BCL3: variants seen among roughly 807,000 people sequenced by gnomAD.
BCL3 encodes BCL3 transcription coactivator.
Under a neutral mutation model 35.7 loss-of-function variants are expected in BCL3, and 15 were observed. That is an observed-to-expected ratio of 0.42 (90% confidence interval 0.28 to 0.65). The LOEUF (loss-of-function observed/expected upper bound fraction) is 0.65. Ranked by LOEUF, BCL3 falls within the 30% of genes least tolerant of loss-of-function variation. The pLI, the probability that BCL3 is intolerant of heterozygous loss-of-function variation, is 0.22. For missense variants in BCL3, 565 were observed against 641.7 expected (o/e 0.88, Z 1.29); for synonymous variants, 311 against 284.3 (o/e 1.09, Z -0.95).
chr19:44,748,989 C>T lies in BCL3; in HGVS notation c.199C>T (p.Pro67Ser), dbSNP rs1360246384. 7.2e-7 allele frequency: 1 copy of T among 1,383,838 alleles called. No individual in the cohort carries two copies. The highest frequency in any genetic ancestry group is 9.4e-7 in the Non-Finnish European group (1 of 1,066,954). 85.7% of individuals were successfully genotyped at this position (1,383,838 alleles called of 1,614,324 possible). ...LDPLRGGCDL[P>S]AVPGPPHGLA... The stretch of plus-strand genomic sequence containing the variant: ...CCCTCTGCGCGGCGGCTGCGACCTG[C>T]CGGCGGTCCCCGGGCCCCCCCACGG... The change falls in exon 1 of 9, where the codon CCG becomes TCG. Residue 67 changes from proline to serine, a missense_variant. By Grantham distance (74) the Pro-to-Ser change is moderately conservative. Transcript: ENST00000164227.
At position 44,757,362 on chromosome 19, in the gene BCL3, T is replaced by G; in HGVS notation, c.760T>G (p.Cys254Gly). Residue 254 changes from cysteine (C) to glycine (G), a missense_variant, in exon 5 of 9, where the codon TGC (cysteine) becomes GGC (glycine). Physicochemically the swap from Cys to Gly is radical, Grantham distance 159. This residue lies in a region of BCL3 where 103 missense variants were observed against 106.7 expected (regional missense o/e 0.97). Transcript: ENST00000164227. This position sits in a 1 kb window ranked among gnomAD's most constrained non-coding sequence, Gnocchi z 8.4. ...TALHVAVNTE[C>G]QETVQLLLER... ...CCTGCACGTGGCAGTGAACACCGAGTGCCAAGAAACCGTGCAGCTCTTGCT... is the reference window on the plus strand; with the variant it reads ...CCTGCACGTGGCAGTGAACACCGAGGGCCAAGAAACCGTGCAGCTCTTGCT... 6.2e-7 allele frequency: 1 copy of G among 1,606,472 alleles called. No homozygotes were observed. The highest frequency in any genetic ancestry group is 1.1e-5 in the South Asian group (1 of 89,682).
At chr19:44,753,833 G>A (rs955320129) in intron 2 of BCL3, among the ~76,000 whole-genome samples, 23 of 138,972 alleles carry the variant, frequency 1.7e-4, no homozygotes, top group Non-Finnish European at 2.7e-4. Flanking sequence ...GGGGGCGGGG[G>A]GGGGGGGTGA....
chr19:44,757,436 G>A lies in BCL3; in HGVS notation c.813+21G>A. On this transcript the variant is annotated intron_variant, in intron 5 of 8. Transcript: ENST00000164227. This position sits in a 1 kb window ranked among gnomAD's most constrained non-coding sequence, Gnocchi z 8.4. ...CAGTGGTGAGCGTGCACTAGGAGCT[G>A]GGAGGGAGCGGGGCCTTAGCAGGGG... The A allele has an allele frequency of 6.4e-7, 1 of 1,571,512 alleles. No individual in the cohort carries two copies. The highest frequency in any genetic ancestry group is 8.6e-7 in the Non-Finnish European group (1 of 1,158,742).
intron 6 of BCL3, among the ~76,000 whole-genome samples, chr19:44,758,025 C>T (rs549027094): frequency 3.3e-5 from 5 of 152,340 alleles, no homozygotes; most frequent in African/African-American, 9.6e-5. Context: ...CCAGCTCCCC[C>T]GACTCCTTGG....
At chr19:44,756,488 T>G in intron 3 of BCL3, 148 bp downstream of exon 3, 2 of 525,598 alleles carry the variant, frequency 3.8e-6, no homozygotes, top group South Asian at 4.1e-5. Context: ...GTGCCTGGAC[T>G]CCTGGGTCTG....
chr19:44,758,122 T>TC, intron 6 of BCL3, 124 bp from the exon 7 acceptor site: 1 of 1,047,398 alleles, frequency 9.5e-7, no homozygotes, highest in Non-Finnish European at 1.3e-6. Context: ...GCTCCTACCT[T>TC]CCTGTGACCC....
chr19:44,757,463 G>A lies in BCL3; in HGVS notation c.813+48G>A, dbSNP rs1458738676. ...GAGGGAGCGGGGCCTTAGCAGGGGC[G>A]GGGTCTTGGCGGGGGCGGGGCCAGT... On this transcript the variant is annotated intron_variant, in intron 5 of 8. Coordinates refer to ENST00000164227, the MANE Select transcript of BCL3 (RefSeq NM_005178.5). The surrounding 1 kb of genome is among the most constrained non-coding windows in gnomAD (Gnocchi z 8.4). The A allele has an allele frequency of 2.0e-6, 3 of 1,532,128 alleles. No individual in the cohort carries two copies. The highest frequency in any genetic ancestry group is 2.5e-5 in the East Asian group (1 of 40,754). The allele number at this position is 1,532,128 out of a possible 1,614,324, so 94.9% of individuals were successfully genotyped here. A position where few individuals can be genotyped will look rare whatever the true frequency, so the allele number is the denominator to read the frequency against.
At chr19:44,758,645 G>C (rs1168542305) in intron 7 of BCL3, 79 bp from the exon 8 acceptor site, 1 of 1,360,916 alleles carries the variant, frequency 7.3e-7, no homozygotes, top group Non-Finnish European at 1.0e-6. Context: ...GCCACCACCT[G>C]GATCCAGTGA....
Position 44,759,624 on chromosome 19 carries a change from G to T in BCL3, c.*9G>T. On this transcript the variant is annotated 3_prime_UTR_variant, in exon 9 of 9. Coordinates refer to ENST00000164227, the MANE Select transcript of BCL3 (RefSeq NM_005178.5). The stretch of plus-strand genomic sequence containing the variant: ...CTCCAGGAGGCAGCTGAGGGGGATG[G>T]GGGGGCAGATCTTGGACTCATGAGG... 6.3e-7 allele frequency: 1 copy of T among 1,598,942 alleles called. No individual in the cohort carries two copies. Among genetic ancestry groups the T allele is most frequent in the Non-Finnish European group, 8.5e-7 (1 of 1,176,512 alleles).
chr19:44,757,450 C>A lies in BCL3; in HGVS notation c.813+35C>A. The A allele has an allele frequency of 6.4e-7, 1 of 1,552,712 alleles. No individual in the cohort carries two copies. The highest frequency in any genetic ancestry group is 1.2e-5 in the South Asian group (1 of 85,092). ...CACTAGGAGCTGGGAGGGAGCGGGG[C>A]CTTAGCAGGGGCGGGGTCTTGGCGG... On this transcript the variant is annotated intron_variant, in intron 5 of 8. Transcript: ENST00000164227. This position sits in a 1 kb window ranked among gnomAD's most constrained non-coding sequence, Gnocchi z 8.4.
intron 3 of BCL3, 127 bp downstream of exon 3, chr19:44,756,467 A>T: frequency 1.6e-6 from 1 of 630,930 alleles, no homozygotes; most frequent in African/African-American, 2.2e-5. Context: ...GGTCTGAGGG[A>T]GGAGGGACTG....
rs1450365693 is a variant in BCL3 at position 44,758,765 on chromosome 19, C to T, written c.1101C>T (p.Ser367=). 3 of 1,607,608 alleles carry T rather than the reference C, an allele frequency of 1.9e-6. No homozygotes were observed. Among genetic ancestry groups the T allele is most frequent in the Non-Finnish European group, 2.5e-6 (3 of 1,177,888 alleles). ...GGGGGAAGGCCACCCGGCCTGCTTCCACCTCCCAGCCAGACCCCTCCCCTG... is the reference window on the plus strand; with the variant it reads ...GGGGGAAGGCCACCCGGCCTGCTTCTACCTCCCAGCCAGACCCCTCCCCTG... ...ILRGKATRPA[S]TSQPDPSPDR... is the part of the protein sequence containing the mutation. The change falls in exon 8 of 9, where the codon TCC becomes TCT. Residue 367 remains serine, a synonymous_variant. Transcript: ENST00000164227.
In BCL3 at chr19:44,759,654, G is replaced by A. The variant is rs779015017; in HGVS notation, c.*39G>A. ...GCAGATCTTGGACTCATGAGGAGGG[G>A]CCCCCCTGCCCTGTGGGGTCAACCC... On this transcript the variant is annotated 3_prime_UTR_variant, in exon 9 of 9. Transcript: ENST00000164227. The A allele has an allele frequency of 6.7e-7, 1 of 1,495,428 alleles. No homozygotes were observed. 92.6% of individuals were successfully genotyped at this position (1,495,428 alleles called of 1,614,324 possible). A position where few individuals can be genotyped will look rare whatever the true frequency, so the allele number is the denominator to read the frequency against.
Position 44,757,456 on chromosome 19 carries a change from C to G in BCL3, c.813+41C>G. The G allele has an allele frequency of 6.9e-7, 1 of 1,441,158 alleles. No homozygotes were observed. Among genetic ancestry groups the G allele is most frequent in the Admixed American group, 2.2e-5 (1 of 45,844 alleles). The allele number at this position is 1,441,158 out of a possible 1,614,324, so 89.3% of individuals were successfully genotyped here. ...GAGCTGGGAGGGAGCGGGGCCTTAG[C>G]AGGGGCGGGGTCTTGGCGGGGGCGG... is the stretch of plus-strand genomic sequence containing the variant. On this transcript the variant is annotated intron_variant, in intron 5 of 8. Coordinates refer to ENST00000164227, the MANE Select transcript of BCL3 (RefSeq NM_005178.5). The surrounding 1 kb of genome is among the most constrained non-coding windows in gnomAD (Gnocchi z 8.4).
Position 44,757,823 on chromosome 19 carries a change from C to T in BCL3, c.891+100C>T. ...CTCTGACCCCGCCTTCCACTTCTGG[C>T]TCCGGCTCCTGCTCCGCGTCCAGCT... On this transcript the variant is annotated intron_variant, in intron 6 of 8. Transcript: ENST00000164227. This position sits in a 1 kb window ranked among gnomAD's most constrained non-coding sequence, Gnocchi z 8.4. 8.6e-7 allele frequency: 1 copy of T among 1,159,808 alleles called. No homozygotes were observed. Among genetic ancestry groups the T allele is most frequent in the Non-Finnish European group, 1.3e-6 (1 of 793,594 alleles). The allele number at this position is 1,159,808 out of a possible 1,614,324, so 71.8% of individuals were successfully genotyped here. A position where few individuals can be genotyped will look rare whatever the true frequency, so the allele number is the denominator to read the frequency against.
intron 2 of BCL3, among the ~76,000 whole-genome samples, chr19:44,752,446 A>G (rs1364678762): frequency 6.6e-6 from 1 of 151,650 alleles, no homozygotes; most frequent in Admixed American, 6.6e-5. Flanking sequence ...GGCTTAAGTG[A>G]TCCTCCCACC....
chr19:44,754,898 A>T (rs968629181), intron 2 of BCL3, among the ~76,000 whole-genome samples: 2 of 152,262 alleles, frequency 1.3e-5, no homozygotes, highest in Non-Finnish European at 2.9e-5. Context: ...CTACGCTAGG[A>T]GGGGTTGTGG....
chr19:44,749,089 G>C, intron 1 of BCL3, 43 bp downstream of exon 1: 1 of 1,111,270 alleles, frequency 9.0e-7, no homozygotes, highest in Non-Finnish European at 1.2e-6. Flanking sequence ...GATCCACACA[G>C]AGCATAGGGT....
chr19:44,756,411 C>G, intron 3 of BCL3, 71 bp downstream of exon 3: 1 of 1,080,102 alleles, frequency 9.3e-7, no homozygotes, highest in Non-Finnish European at 1.2e-6. Flanking sequence ...GGCTGGGGGC[C>G]TGAACTCCTG....
Sources: allele counts gnomAD v4.1 joint callset (sites outside exome capture counted in the v4.1 genomes callset), GRCh38; gene constraint gnomAD v4.1.1; regional missense constraint gnomAD v4.1.1; non-coding constraint Gnocchi (gnomAD v3.1); transcripts MANE v1.5; gene names NCBI Gene and HGNC (gene_info 2026-07-23, HGNC 2026-07-21).